ZNF335: variants seen among roughly 807,000 people sequenced by gnomAD.
ZNF335 encodes the protein NRC-interacting factor 1.
A neutral mutation model predicts 145.6 loss-of-function variants in ZNF335; 84 were observed. That is an observed-to-expected ratio of 0.58 (90% CI 0.48 to 0.69). The LOEUF is 0.69. Among genes scored for constraint, ZNF335 ranks in the 30% least tolerant of loss-of-function variants. The pLI, the probability that ZNF335 is intolerant of heterozygous loss-of-function variation, is 0.00. For synonymous variants in ZNF335, 761 were observed against 717.0 expected, an observed-to-expected ratio of 1.06 and a Z score of -0.98; for missense variants, 1,865 against 1,809.7, an observed-to-expected ratio of 1.03 and a Z score of -0.55.
intron 6 of ZNF335, among the ~76,000 whole-genome samples, chr20:45,966,551 CTTTT>C (rs34666532): frequency 7.1e-6 from 1 of 140,558 alleles, no homozygotes; most frequent in Non-Finnish European, 1.5e-5. Context: ...CTTTTTCTTT[CTTTT>C]TTTTTTTTTT....
Position 45,971,820 on chromosome 20 carries a change from C to A in ZNF335, c.-51+302G>T, listed in dbSNP as rs2297195. 5.2e-3 allele frequency: 5,081 copies of A among 985,248 alleles called. 300 individuals carry two copies. In the East Asian group the frequency reaches 0.23, roughly 44 times the overall value. The allele number at this position is 985,248 out of a possible 1,614,324, so 61.0% of individuals were successfully genotyped here. ...CAGGGCCGGTGGTACAGCCCGCTGGCCCCCTGGGTCAGTGGTTCGCTCCCC... is the reference window on the plus strand; with the variant it reads ...CAGGGCCGGTGGTACAGCCCGCTGGACCCCTGGGTCAGTGGTTCGCTCCCC... On this transcript the variant is annotated intron_variant, in intron 1 of 27. Transcript: ENST00000322927.
At chr20:45,951,188 G>A (rs1360764118) in intron 20 of ZNF335, among the ~76,000 whole-genome samples, 5 of 152,218 alleles carry the variant, frequency 3.3e-5, no homozygotes, top group East Asian at 1.9e-4. Context: ...CACCGTGCCC[G>A]GCCCTGGCCC....
In ZNF335 at chr20:45,959,322, C is replaced by T. The variant is rs991565780; in HGVS notation, c.2132G>A (p.Arg711His). The T allele has an allele frequency of 5.7e-6, 9 of 1,580,576 alleles. No homozygotes were observed. Among genetic ancestry groups the T allele is most frequent in the South Asian group, 4.6e-5 (4 of 87,430 alleles). The change falls in exon 15 of 28, where the codon CGC becomes CAC. Residue 711 changes from arginine (R) to histidine (H), a missense_variant. Coordinates refer to ENST00000322927, the MANE Select transcript of ZNF335 (RefSeq NM_022095.4). ...HASSFEEWGRRHPEEPPSRRR... is the reference protein window; with the variant it reads ...HASSFEEWGRHHPEEPPSRRR... ...GCGGGAGGGGGGCTCCTCAGGGTGG[C>T]GCCTCCCCCATTCCTCGAAGCTGCT... is the stretch of plus-strand genomic sequence containing the variant.
chr20:45,960,951 AC>A (rs544408527), intron 10 of ZNF335, 69 bp from the exon 11 acceptor site: 292 of 1,596,994 alleles, frequency 1.8e-4, no homozygotes, highest in Non-Finnish European at 2.5e-4. Context: ...CTCACACTGA[AC>A]AGACCCAGCC....
chr20:45,970,868 G>A (rs1469816573), intron 2 of ZNF335, among the ~76,000 whole-genome samples: 1 of 150,816 alleles, frequency 6.6e-6, no homozygotes, highest in African/African-American at 2.4e-5. Context: ...TGGGATTACA[G>A]GCGATGAGCT....
At chr20:45,958,026 TG>T in intron 15 of ZNF335, 98 bp from the exon 16 acceptor site, 1 of 959,166 alleles carries the variant, frequency 1.0e-6, no homozygotes, top group Non-Finnish European at 1.6e-6. Context: ...TTACATCTGT[TG>T]GCTTGTTTCA....
chr20:45,970,755 G>GTTT lies in ZNF335; in HGVS notation c.201+452_201+454dup, dbSNP rs5841616. 3.9e-4 allele frequency among the ~76,000 whole-genome samples: 50 copies of GTTT among 127,882 alleles called. 1 individual carries two copies. Among genetic ancestry groups the GTTT allele is most frequent in the East Asian group, 2.0e-3 (9 of 4,564 alleles). The allele number at this position is 127,882 out of a possible 152,430, so 83.9% of individuals were successfully genotyped here. Reference sequence around the variant, plus strand: ...CCCAGTCTTAACCCAGGGCACTTGCGTTTTTTTTTTTTTTTTTGTAGAGAT... The same window carrying GTTT: ...CCCAGTCTTAACCCAGGGCACTTGCGTTTTTTTTTTTTTTTTTTTTGTAGAGAT... On this transcript the variant is annotated intron_variant, in intron 2 of 27. Coordinates refer to ENST00000322927, the MANE Select transcript of ZNF335 (RefSeq NM_022095.4).
intron 27 of ZNF335, 28 bp from the exon 28 acceptor site, chr20:45,949,108 G>C (rs2145350252): frequency 2.5e-6 from 4 of 1,613,582 alleles, no homozygotes; most frequent in Admixed American, 1.7e-5. Flanking sequence ...AGTATGGTGA[G>C]CTGGAGGCTC....
rs200717581 is a variant in ZNF335, at chr20:45,952,356, G to A, written c.2980C>T (p.Pro994Ser). ...AGGCCCAGGGCTTTGCTGGTTGCAG[G>A]AGGTGAGGAGGCAGAGCTCTGGGAG... The part of the protein sequence containing the change: ...GDSQSSASSP[P>S]ATSKALGLAV... Residue 994 changes from proline to serine, a missense_variant, in exon 20 of 28, where the codon CCT becomes TCT. Transcript: ENST00000322927. 4.3e-6 allele frequency: 7 copies of A among 1,612,320 alleles called. No homozygotes were observed. In the South Asian group the frequency reaches 4.4e-5, roughly 10 times the overall value.
Position 45,960,705 on chromosome 20 carries a change from G to A in ZNF335, c.1693C>T (p.Pro565Ser), listed in dbSNP as rs762769063. Residue 565 changes from proline (P) to serine (S), a missense_variant, in exon 12 of 28, where the codon CCT (proline) becomes TCT (serine). By Grantham distance (74) the Pro-to-Ser change is moderately conservative. Transcript: ENST00000322927. ...PTPKLSSFPC[P>S]VCGRVYPMQK... ...ATGGGGTACACACGGCCACACACAG[G>A]GCAGGGGAAAGAGCTCAGCTTTGGA... The A allele has an allele frequency of 6.2e-7, 1 of 1,614,106 alleles. No homozygotes were observed. Among genetic ancestry groups the A allele is most frequent in the East Asian group, 2.2e-5 (1 of 44,886 alleles).
At chr20:45,960,817 A>G in intron 11 of ZNF335, 47 bp downstream of exon 11, 1 of 1,613,806 alleles carries the variant, frequency 6.2e-7, no homozygotes, top group Non-Finnish European at 8.5e-7. Flanking sequence ...ACCCCCATAA[A>G]CAACCCCCGG....
chr20:45,950,716 C>A, intron 20 of ZNF335, 121 bp from the exon 21 acceptor site: 1 of 1,375,196 alleles, frequency 7.3e-7, no homozygotes, highest in South Asian at 1.3e-5. Flanking sequence ...AACCAAAATC[C>A]TGTGCACTAA....
At chr20:45,957,721 A>T in intron 16 of ZNF335, 41 bp from the exon 17 acceptor site, 3 of 1,611,140 alleles carry the variant, frequency 1.9e-6, no homozygotes, top group Non-Finnish European at 2.5e-6. Context: ...GTGCTAGAAA[A>T]CTGGCACCCA....
chr20:45,950,280 G>C lies in ZNF335; in HGVS notation c.3426C>G (p.Thr1142=). The C allele has an allele frequency of 1.3e-6, 2 of 1,558,438 alleles. No homozygotes were observed. The highest frequency in any genetic ancestry group is 1.7e-6 in the Non-Finnish European group (2 of 1,151,010). ...KSGTPTARAP[T]QTPTQTIILN... The stretch of plus-strand genomic sequence containing the variant: ...GGATGATGGTCTGGGTTGGGGTCTG[G>C]GTAGGGGCCCGGGCTGTAGGGGTTC... Residue 1142 remains threonine, a synonymous_variant, in exon 22 of 28, where the codon ACC becomes ACG. Coordinates refer to ENST00000322927, the MANE Select transcript of ZNF335 (RefSeq NM_022095.4).
chr20:45,949,144 A>G (rs1421100826), intron 27 of ZNF335, 26 bp downstream of exon 27: 6 of 1,613,382 alleles, frequency 3.7e-6, no homozygotes, highest in Admixed American at 3.3e-5. Context: ...ACCCAGCCCC[A>G]TGCTCCTCAG....
chr20:45,951,190 C>T (rs750552320), intron 20 of ZNF335, among the ~76,000 whole-genome samples: 3 of 152,254 alleles, frequency 2.0e-5, no homozygotes, highest in Non-Finnish European at 2.9e-5. Flanking sequence ...CCGTGCCCGG[C>T]CCTGGCCCTG....
rs2083795354 is a variant in ZNF335, at chr20:45,959,583, T to C, written c.2021-150A>G. Reference sequence around the variant, plus strand: ...GGCAAACACATGCCACTGTCCATTCTGGTGGCCCAGGACAGAAATGAATCA... The same window carrying C: ...GGCAAACACATGCCACTGTCCATTCCGGTGGCCCAGGACAGAAATGAATCA... On this transcript the variant is annotated intron_variant, in intron 14 of 27. Transcript: ENST00000322927. 9 of 575,502 alleles carry C rather than the reference T, an allele frequency of 1.6e-5. No homozygotes were observed. In the South Asian group the frequency reaches 3.7e-4, roughly 24 times the overall value. 35.6% of individuals were successfully genotyped at this position (575,502 alleles called of 1,614,324 possible). A position where few individuals can be genotyped will look rare whatever the true frequency, so the allele number is the denominator to read the frequency against.
At chr20:45,966,129 A>G (rs1274512630) in intron 6 of ZNF335, among the ~76,000 whole-genome samples, 1 of 152,212 alleles carries the variant, frequency 6.6e-6, no homozygotes, top group Non-Finnish European at 1.5e-5. Context: ...AGCTGCCACC[A>G]GCCATATGTA....
At chr20:45,971,978 C>A (rs932267095) in intron 1 of ZNF335, 144 bp downstream of exon 1, 5 of 1,165,836 alleles carry the variant, frequency 4.3e-6, no homozygotes, top group African/African-American at 1.6e-5. Flanking sequence ...CAGGCAAGTG[C>A]GAGAGCGACT....
Sources: allele counts gnomAD v4.1 joint callset (sites outside exome capture counted in the v4.1 genomes callset), GRCh38; gene constraint gnomAD v4.1.1; transcripts MANE v1.5; gene names NCBI Gene and HGNC (gene_info 2026-07-23, HGNC 2026-07-21).